The following TMPRSS9 variants were observed in gnomAD, a reference collection of about 807,000 sequenced individuals.
The protein encoded by TMPRSS9 is transmembrane protease serine 9.
A neutral mutation model predicts 111.4 loss-of-function variants in TMPRSS9; 113 were observed. The observed-to-expected ratio is 1.01, with a 90% CI of 0.87 to 1.19. The LOEUF is 1.19. Ranked by LOEUF, TMPRSS9 falls within the 50% of genes most tolerant of loss-of-function variation. The pLI is 0.00. For synonymous variants in TMPRSS9, 805 were observed against 659.1 expected, an observed-to-expected ratio of 1.22 and a Z score of -3.39; for missense variants, 1,803 against 1,513.1, an observed-to-expected ratio of 1.19 and a Z score of -3.18.
chr19:2,390,062 T>C, intron 1 of TMPRSS9, 135 bp downstream of exon 2: 1 of 1,175,798 alleles, frequency 8.5e-7, no homozygotes, highest in Non-Finnish European at 1.2e-6. Context: ...AAGGCTGCCC[T>C]AGGCCAGGCG....
At chr19:2,420,879 G>T (rs1415093196) in intron 13 of TMPRSS9, among the ~76,000 whole-genome samples, 1 of 151,782 alleles carries the variant, frequency 6.6e-6, no homozygotes, top group Non-Finnish European at 1.5e-5. Context: ...TATATAAATG[G>T]GCGATTCACA....
intron 9 of TMPRSS9, among the ~76,000 whole-genome samples, chr19:2,412,866 A>G (rs756120219): frequency 3.3e-5 from 5 of 152,128 alleles, no homozygotes; most frequent in Non-Finnish European, 5.9e-5. Flanking sequence ...TCTGGAGAAA[A>G]TGCTAGGAAC....
intron 9 of TMPRSS9, among the ~76,000 whole-genome samples, chr19:2,413,156 T>C (rs1023340365): frequency 6.6e-6 from 1 of 151,928 alleles, no homozygotes; most frequent in Non-Finnish European, 1.5e-5. Flanking sequence ...GATCACGCCA[T>C]TGCACTCCAG....
intron 1 of TMPRSS9, among the ~76,000 whole-genome samples, chr19:2,371,461 CG>C (rs1274322994): frequency 6.6e-6 from 1 of 151,940 alleles, no homozygotes; most frequent in East Asian, 1.9e-4. Context: ...CTGAGGCAGG[CG>C]GATTGCCTGA....
intron 13 of TMPRSS9, among the ~76,000 whole-genome samples, chr19:2,420,636 A>C (rs1258499265): frequency 6.6e-6 from 1 of 152,158 alleles, no homozygotes; most frequent in East Asian, 1.9e-4. Context: ...TCTGAGTTCA[A>C]ATCCTGCTTC....
intron 1 of TMPRSS9, among the ~76,000 whole-genome samples, chr19:2,369,498 C>T (rs116333536): frequency 0.033 from 4,948 of 152,152 alleles, 299 homozygotes; most frequent in African/African-American, 0.11. Context: ...GATCGCAGCT[C>T]ACTGCAGCCT....
chr19:2,389,657 C>T (rs576788121), upstream of TMPRSS9: 305 of 1,169,112 alleles, frequency 2.6e-4, 2 homozygotes, highest in Admixed American at 3.8e-3. Flanking sequence ...CGTGAGCCAC[C>T]GCGCCCCGCC....
intron 1 of TMPRSS9, among the ~76,000 whole-genome samples, chr19:2,377,425 A>T (rs967438051): frequency 7.4e-6 from 1 of 134,524 alleles, no homozygotes; most frequent in Non-Finnish European, 1.6e-5. Context: ...ATGAGCCACC[A>T]CACCTGGTCT....
chr19:2,385,596 C>T (rs563485423), upstream of TMPRSS9, among the ~76,000 whole-genome samples: 1 of 151,978 alleles, frequency 6.6e-6, no homozygotes, highest in African/African-American at 2.4e-5. Flanking sequence ...TGGCCGGGTA[C>T]AGCGGCTCAC....
At chr19:2,387,513 AGGAAAGGAAAGGAAGGGAAG>A (rs1198415587), upstream of TMPRSS9, among the ~76,000 whole-genome samples, 374 of 149,872 alleles carry the variant, frequency 2.5e-3, no homozygotes, top group African/African-American at 8.8e-3. Flanking sequence ...AAGAAAGGAA[AGGAAAGGAAAGGAAGGGAAG>A]GGAAAGGAAG....
upstream of TMPRSS9, among the ~76,000 whole-genome samples, chr19:2,387,790 G>A (rs544408522): frequency 2.6e-5 from 4 of 152,192 alleles, no homozygotes; most frequent in South Asian, 8.3e-4. Flanking sequence ...GTGAAGGTCA[G>A]GAGCACTTTG....
At chr19:2,376,408 T>A (rs1340927970) in intron 1 of TMPRSS9, among the ~76,000 whole-genome samples, 1 of 152,080 alleles carries the variant, frequency 6.6e-6, no homozygotes, top group Non-Finnish European at 1.5e-5. Context: ...GATTAGGACC[T>A]GGATGTCAGA....
chr19:2,363,727 A>G (rs1012396453), intron 1 of TMPRSS9, among the ~76,000 whole-genome samples: 2 of 151,488 alleles, frequency 1.3e-5, no homozygotes, highest in Non-Finnish European at 2.9e-5. Context: ...CTCGGGGAGC[A>G]TAACAGGGAA....
intron 15 of TMPRSS9, 125 bp from the exon 17 acceptor site, chr19:2,424,877 A>C: frequency 8.1e-7 from 1 of 1,231,576 alleles, no homozygotes; most frequent in Non-Finnish European, 1.1e-6. Context: ...TCCCAGACCG[A>C]CAGCCAGAGA....
At chr19:2,385,143 GGGGCGGAGCTCGCGGA>G (rs1272612208), upstream of TMPRSS9, among the ~76,000 whole-genome samples, 15 of 149,146 alleles carry the variant, frequency 1.0e-4, no homozygotes, top group South Asian at 6.3e-4. Context: ...GAGCTCGCAG[GGGGCGGAGCTCGCGGA>G]GGGCGGGGCT....
At chr19:2,419,184 C>T (rs1971406158) in intron 13 of TMPRSS9, among the ~76,000 whole-genome samples, 1 of 125,212 alleles carries the variant, frequency 8.0e-6, no homozygotes, top group South Asian at 2.9e-4. Context: ...TCCTTTCCTT[C>T]TCTCTCTCTC....
chr19:2,386,187 C>T (rs1233392231), upstream of TMPRSS9, among the ~76,000 whole-genome samples: 2 of 152,086 alleles, frequency 1.3e-5, no homozygotes, highest in East Asian at 1.9e-4. Flanking sequence ...TGGACTCAAG[C>T]GATTGTCCTG....
chr19:2,391,483 T>A (rs1393350264), intron 1 of TMPRSS9, among the ~76,000 whole-genome samples: 2 of 151,752 alleles, frequency 1.3e-5, no homozygotes, highest in Non-Finnish European at 2.9e-5. Context: ...CAATACAATT[T>A]GGGTTCCTCG....
upstream of TMPRSS9, among the ~76,000 whole-genome samples, chr19:2,386,080 GA>G: frequency 6.6e-6 from 1 of 152,158 alleles, no homozygotes; most frequent in Admixed American, 6.6e-5. Flanking sequence ...GAGTAGCTGG[GA>G]TCACAGATAC....
Sources: allele counts gnomAD v4.1 joint callset (sites outside exome capture counted in the v4.1 genomes callset), GRCh38; gene constraint gnomAD v4.1.1; transcripts MANE v1.5; gene names NCBI Gene and HGNC (gene_info 2026-07-23, HGNC 2026-07-21).